Variants in XKR4 observed in about 807,000 individuals in gnomAD.
The protein encoded by XKR4 is XK related 4, also known as XK-related protein 4.
XKR4 carries 12 observed loss-of-function variants against 53.9 expected under a neutral mutation model. The ratio of observed to expected loss-of-function variants is 0.22; its 90% CI spans 0.14 to 0.36. The LOEUF is 0.36. Ranked by LOEUF, XKR4 falls within the 10% of genes least tolerant of loss-of-function variation. XKR4 has a pLI of 1.00. For missense variants in XKR4, 799 were observed against 859.5 expected (o/e 0.93, Z 0.88); for synonymous variants, 354 against 362.4 (o/e 0.98, Z 0.26).
chr8:55,162,914 T>C (rs1563472157), intron 1 of XKR4, among the ~76,000 whole-genome samples: 1 of 152,210 alleles, frequency 6.6e-6, no homozygotes, highest in Non-Finnish European at 1.5e-5. Flanking sequence ...AACATATATA[T>C]GGGGCATAAT....
chr8:55,519,981 A>G (rs979464061), intron 2 of XKR4, among the ~76,000 whole-genome samples: 3 of 152,252 alleles, frequency 2.0e-5, no homozygotes, highest in African/African-American at 7.2e-5. Flanking sequence ...ATTTTCAAAT[A>G]ACAACTTAAA....
intron 1 of XKR4, among the ~76,000 whole-genome samples, chr8:55,178,267 C>T (rs1483747852): frequency 6.6e-6 from 1 of 152,166 alleles, no homozygotes; most frequent in African/African-American, 2.4e-5. Context: ...GAAGTAATCG[C>T]TGAGATACAT....
intron 1 of XKR4, among the ~76,000 whole-genome samples, chr8:55,210,523 C>T (rs1037997263): frequency 2.6e-5 from 4 of 152,128 alleles, no homozygotes; most frequent in African/African-American, 4.8e-5. Flanking sequence ...TCATAGTTTT[C>T]ATCTTTCTCC....
intron 1 of XKR4, among the ~76,000 whole-genome samples, chr8:55,265,912 G>T (rs899618954): frequency 6.6e-6 from 1 of 151,850 alleles, no homozygotes; most frequent in Non-Finnish European, 1.5e-5. Context: ...TTGAACCTGG[G>T]AGGCAGAGGT....
rs1041452013 is a variant in XKR4, at chr8:55,527,359, A to G, written c.*3132A>G. 6 of 152,186 alleles carry G rather than the reference A, an allele frequency of 3.9e-5. No homozygotes were observed. The highest frequency in any genetic ancestry group is 1.9e-4 in the East Asian group (1 of 5,202). 9.4% of individuals were successfully genotyped at this position (152,186 alleles called of 1,614,324 possible). On this transcript the variant is annotated 3_prime_UTR_variant, in exon 3 of 3. Transcript: ENST00000327381. ...CAGGCTCCTTTCTGTGTCTGAGTCC[A>G]CTTTGATTCCATTTAAGAGGGAGAT...
rs1022143977 is a variant in XKR4, at chr8:55,538,027, T to G, written c.*13800T>G. On this transcript the variant is annotated 3_prime_UTR_variant, in exon 3 of 3. Coordinates refer to ENST00000327381, the MANE Select transcript of XKR4 (RefSeq NM_052898.2). ...ATAATCAATGGAATTTATGGTGTCG[T>G]AGAAAACCAAAAATCCATGTTGAAT... 14 of 152,212 alleles carry G rather than the reference T, an allele frequency of 9.2e-5. No homozygotes were observed. Among genetic ancestry groups the G allele is most frequent in the Non-Finnish European group, 1.8e-4 (12 of 68,030 alleles). The allele number at this position is 152,212 out of a possible 1,614,324, so 9.4% of individuals were successfully genotyped here.
chr8:55,410,225 G>C (rs1265383116), intron 2 of XKR4, among the ~76,000 whole-genome samples: 2 of 151,958 alleles, frequency 1.3e-5, no homozygotes, highest in African/African-American at 4.8e-5. Context: ...ACTGCTGCTC[G>C]CTGCCAGAAG....
chr8:55,244,707 C>G (rs551560894), intron 1 of XKR4, among the ~76,000 whole-genome samples: 1 of 152,114 alleles, frequency 6.6e-6, no homozygotes, highest in Admixed American at 6.5e-5. Flanking sequence ...CCCTTTTCTC[C>G]GCAATCACAC....
intron 2 of XKR4, among the ~76,000 whole-genome samples, chr8:55,509,077 GA>G (rs1806584913): frequency 6.6e-6 from 1 of 152,146 alleles, no homozygotes; most frequent in African/African-American, 2.4e-5. Context: ...TATATGGATT[GA>G]AAAAGTTTAC....
chr8:55,237,156 C>T lies in XKR4; in HGVS notation c.807-120522C>T, dbSNP rs181843169. Among the ~76,000 whole-genome samples, 77 of 152,294 alleles carry T rather than the reference C, an allele frequency of 5.1e-4. 1 individual carries two copies. The highest frequency in any genetic ancestry group is 1.8e-3 in the African/African-American group (73 of 41,546). ...GAAAACTTTGTGATCATATATCACT[C>T]TCCTTCGCGGAGATGAATTCCTTGG... is the stretch of plus-strand genomic sequence containing the variant. On this transcript the variant is annotated intron_variant, in intron 1 of 2. Transcript: ENST00000327381.
intron 1 of XKR4, among the ~76,000 whole-genome samples, chr8:55,112,081 T>G (rs1349875975): frequency 6.6e-6 from 1 of 152,186 alleles, no homozygotes; most frequent in Non-Finnish European, 1.5e-5. Context: ...GCTGAACGAT[T>G]TTTAACCCCA....
chr8:55,331,529 T>C (rs1186136982), intron 1 of XKR4, among the ~76,000 whole-genome samples: 1 of 152,188 alleles, frequency 6.6e-6, no homozygotes, highest in Non-Finnish European at 1.5e-5. Context: ...GCTCTATCCA[T>C]TACTGAAGGT....
intron 1 of XKR4, among the ~76,000 whole-genome samples, chr8:55,189,328 CT>C (rs1184606011): frequency 6.6e-6 from 1 of 152,104 alleles, no homozygotes; most frequent in Non-Finnish European, 1.5e-5. Flanking sequence ...TAAGAAACGT[CT>C]GCCGAGGCAC....
At chr8:55,380,395 C>T (rs543045878) in intron 2 of XKR4, among the ~76,000 whole-genome samples, 7 of 152,334 alleles carry the variant, frequency 4.6e-5, no homozygotes, top group African/African-American at 1.7e-4. Flanking sequence ...GCAAGACACT[C>T]TCATAATAAC....
chr8:55,135,805 G>A (rs1042630037), intron 1 of XKR4, among the ~76,000 whole-genome samples: 22 of 152,016 alleles, frequency 1.4e-4, no homozygotes, highest in African/African-American at 4.8e-4. Flanking sequence ...TCCTCTCTCT[G>A]GTCTTTGGAA....
chr8:55,208,495 G>C (rs1261414006), intron 1 of XKR4, among the ~76,000 whole-genome samples: 1 of 150,264 alleles, frequency 6.7e-6, no homozygotes, highest in Non-Finnish European at 1.5e-5. Context: ...TTTTTTTTGA[G>C]ACTGAGTCTT....
intron 1 of XKR4, among the ~76,000 whole-genome samples, chr8:55,239,558 C>T (rs896499535): frequency 6.6e-6 from 1 of 152,178 alleles, no homozygotes; most frequent in African/African-American, 2.4e-5. Context: ...TGCTGCCCCA[C>T]CTGGCTTCTG....
At chr8:55,466,508 A>C (rs1013308702) in intron 2 of XKR4, among the ~76,000 whole-genome samples, 4 of 152,064 alleles carry the variant, frequency 2.6e-5, no homozygotes, top group Admixed American at 2.0e-4. Flanking sequence ...GGGGGAAGGG[A>C]TAGCATTAGG....
At chr8:55,401,455 A>G (rs1183571548) in intron 2 of XKR4, among the ~76,000 whole-genome samples, 1 of 152,250 alleles carries the variant, frequency 6.6e-6, no homozygotes, top group East Asian at 1.9e-4. Flanking sequence ...GAGAGATGCA[A>G]TCACTCAATT....
Sources: gnomAD v4.1 joint callset for allele counts (sites outside exome capture counted in the v4.1 genomes callset) on GRCh38, gnomAD v4.1.1 for gene constraint, MANE v1.5 for transcripts, NCBI Gene and HGNC (gene_info 2026-07-23, HGNC 2026-07-21) for gene names.